SLIT1: variants seen among roughly 807,000 people sequenced by gnomAD.
SLIT1 encodes slit homolog 1 protein.
SLIT1 carries 66 observed loss-of-function variants against 186.1 expected under a neutral mutation model. The observed-to-expected ratio is 0.35, with a 90% confidence interval of 0.29 to 0.44. The LOEUF (loss-of-function observed/expected upper bound fraction) is 0.44. Among genes scored for constraint, SLIT1 ranks in the 20% least tolerant of loss-of-function variants. SLIT1 has a pLI of 1.00. For missense variants in SLIT1, 1,638 were observed against 2,037.4 expected (o/e 0.80, Z 3.77); for synonymous variants, 761 against 833.8 (o/e 0.91, Z 1.50).
intron 4 of SLIT1, among the ~76,000 whole-genome samples, chr10:97,077,179 ATTGT>A (rs1473927996): frequency 6.6e-6 from 1 of 151,970 alleles, no homozygotes; most frequent in Non-Finnish European, 1.5e-5. Flanking sequence ...AGGCAGGAGG[ATTGT>A]TTGAGCCTAA....
chr10:97,103,681 G>C (rs937927526), intron 4 of SLIT1: 1 of 152,206 alleles, frequency 6.6e-6, no homozygotes, highest in Non-Finnish European at 1.5e-5. Context: ...CTCTGGGAAT[G>C]AAGTACCTTC....
At position 97,000,357 on chromosome 10, in the gene SLIT1, A is replaced by AGG. The variant is rs1848292729; in HGVS notation, c.*754_*755insCC. 1.3e-5 allele frequency: 2 copies of AGG among 152,344 alleles called. No individual in the cohort carries two copies. The highest frequency in any genetic ancestry group is 2.9e-5 in the Non-Finnish European group (2 of 68,134). 9.4% of individuals were successfully genotyped at this position (152,344 alleles called of 1,614,324 possible). A position where few individuals can be genotyped will look rare whatever the true frequency, so the allele number is the denominator to read the frequency against. On this transcript the variant is annotated 3_prime_UTR_variant, in exon 37 of 37. Coordinates refer to ENST00000266058, the MANE Select transcript of SLIT1 (RefSeq NM_003061.3). ...GAGCAAAGAACCCTCTGCCCTCTTT[A>AGG]GTGGGGTCTGCCACCCTGAGCAGCC...
chr10:97,069,454 C>T (rs1848982370), intron 4 of SLIT1, among the ~76,000 whole-genome samples: 1 of 152,260 alleles, frequency 6.6e-6, no homozygotes, highest in South Asian at 2.1e-4. Flanking sequence ...AGCTGATGGT[C>T]TGCTGGGGAC....
At chr10:97,023,102 A>G (rs1408318605) in intron 25 of SLIT1, among the ~76,000 whole-genome samples, 1 of 151,646 alleles carries the variant, frequency 6.6e-6, no homozygotes, top group Non-Finnish European at 1.5e-5. Flanking sequence ...CCCAGGCTGC[A>G]GTGCAGTGGT....
intron 4 of SLIT1, chr10:97,152,998 C>T (rs1183003758): frequency 6.6e-6 from 1 of 152,176 alleles, no homozygotes; most frequent in Non-Finnish European, 1.5e-5. Context: ...ATATTCTTTT[C>T]ATTATTCTAT....
At chr10:97,020,240 T>C (rs1412328235) in intron 26 of SLIT1, among the ~76,000 whole-genome samples, 1 of 152,108 alleles carries the variant, frequency 6.6e-6, no homozygotes, top group South Asian at 2.1e-4. Flanking sequence ...CCTAGAGTGC[T>C]AGGATTACAG....
Position 97,111,998 on chromosome 10 carries a change from G to A in SLIT1, c.413+45820C>T, listed in dbSNP as rs575241655. On this transcript the variant is annotated intron_variant, in intron 4 of 36. Coordinates refer to ENST00000266058, the MANE Select transcript of SLIT1 (RefSeq NM_003061.3). Reference sequence around the variant, plus strand: ...GCAGAATGGCATGTCCTGGCTGAACGTGCCGAGCTTGCCCCTTCCCACTCA... The same window carrying A: ...GCAGAATGGCATGTCCTGGCTGAACATGCCGAGCTTGCCCCTTCCCACTCA... Among the ~76,000 whole-genome samples, 23 of 152,274 alleles carry A rather than the reference G, an allele frequency of 1.5e-4. No homozygotes were observed. In the South Asian group the frequency reaches 4.8e-3, roughly 32 times the overall value.
Position 97,004,719 on chromosome 10 carries a change from G to T in SLIT1, c.3684C>A (p.Gly1228=). 3 of 1,614,166 alleles carry T rather than the reference G, an allele frequency of 1.9e-6. No homozygotes were observed. The highest frequency in any genetic ancestry group is 2.5e-6 in the Non-Finnish European group (3 of 1,180,002). The change falls in exon 33 of 37, where the codon GGC becomes GGA. Residue 1228 remains glycine (G), a synonymous_variant. Transcript: ENST00000266058. The surrounding 1 kb of genome is among the most constrained non-coding windows in gnomAD (Gnocchi z 5.1). ...QGHVRVSYDP[G]SYPSSAIYSA... is the part of the protein sequence containing the mutation. ...TGTAGATGGCAGAGCTGGGGTAGCT[G>T]CCTGGGTCGTAGCTGACACGCACAT...
At chr10:97,003,804 G>T (rs956245466) in intron 34 of SLIT1, among the ~76,000 whole-genome samples, 1 of 152,168 alleles carries the variant, frequency 6.6e-6, no homozygotes, top group African/African-American at 2.4e-5. Context: ...TGTGCCCAAG[G>T]TGTTGCAGAT....
intron 4 of SLIT1, among the ~76,000 whole-genome samples, chr10:97,150,458 G>A (rs76873938): frequency 0.06 from 9,135 of 152,108 alleles, 567 homozygotes; most frequent in African/African-American, 0.16. Context: ...GCATTCTTCA[G>A]CAGGGCTCCT....
rs1848267322 is a variant in SLIT1 at position 96,998,392 on chromosome 10, A to ACAC, written c.*2717_*2719dup. On this transcript the variant is annotated 3_prime_UTR_variant, in exon 37 of 37. Transcript: ENST00000266058. ...AAAGTCCAGCCTTTTCCACTTCCTG[A>ACAC]CACCTTCACCGGGAGCCCCGGCCCT... The ACAC allele has an allele frequency of 6.6e-6, 1 of 152,238 alleles. No individual in the cohort carries two copies. Among genetic ancestry groups the ACAC allele is most frequent in the Non-Finnish European group, 1.5e-5 (1 of 68,064 alleles). The allele number at this position is 152,238 out of a possible 1,614,324, so 9.4% of individuals were successfully genotyped here. A position where few individuals can be genotyped will look rare whatever the true frequency, so the allele number is the denominator to read the frequency against.
chr10:97,067,392 A>G (rs1005855384), intron 4 of SLIT1, among the ~76,000 whole-genome samples: 3 of 152,056 alleles, frequency 2.0e-5, no homozygotes, highest in African/African-American at 7.2e-5. Context: ...GCCCCTTTCC[A>G]GGTCAGCTCT....
chr10:97,009,437 G>A (rs1241969009), intron 31 of SLIT1, among the ~76,000 whole-genome samples: 1 of 152,170 alleles, frequency 6.6e-6, no homozygotes, highest in East Asian at 1.9e-4. Flanking sequence ...ATATCTGCAT[G>A]CAAAAGAATG....
chr10:97,053,870 A>C (rs1057179515), intron 13 of SLIT1, among the ~76,000 whole-genome samples: 1 of 152,168 alleles, frequency 6.6e-6, no homozygotes, highest in Non-Finnish European at 1.5e-5. Flanking sequence ...TATGGTTTGG[A>C]TGTTCGTCCC....
In SLIT1 at chr10:97,184,245, A is replaced by T. The variant is rs568080883; in HGVS notation, c.197+1233T>A. Among the ~76,000 whole-genome samples the T allele has an allele frequency of 6.6e-6, 1 of 152,226 alleles. No individual in the cohort carries two copies. Among genetic ancestry groups the T allele is most frequent in the Non-Finnish European group, 1.5e-5 (1 of 68,012 alleles). On this transcript the variant is annotated intron_variant, in intron 1 of 36. Coordinates refer to ENST00000266058, the MANE Select transcript of SLIT1 (RefSeq NM_003061.3). This position sits in a 1 kb window ranked among gnomAD's most constrained non-coding sequence, Gnocchi z 4.4. ...GTCTCTGACCAGCTGGGGGCCATGA[A>T]AATGTGCTCGAAAGTTATCAAAATA... is the stretch of plus-strand genomic sequence containing the variant.
chr10:97,021,602 G>A lies in SLIT1; in HGVS notation c.2583-189C>T, dbSNP rs546781969. On this transcript the variant is annotated intron_variant, in intron 25 of 36. Transcript: ENST00000266058. The surrounding 1 kb of genome is among the most constrained non-coding windows in gnomAD (Gnocchi z 4.5). Reference sequence around the variant, plus strand: ...TTTTGAGATGGAGTGTCGCTCTGTCGCCCAGGCTGGAGTGCAGTGGCGTAA... The same window carrying A: ...TTTTGAGATGGAGTGTCGCTCTGTCACCCAGGCTGGAGTGCAGTGGCGTAA... 3.3e-5 allele frequency among the ~76,000 whole-genome samples: 5 copies of A among 149,316 alleles called. No individual in the cohort carries two copies. Among genetic ancestry groups the A allele is most frequent in the South Asian group, 2.1e-4 (1 of 4,718 alleles).
chr10:97,066,552 G>A (rs915456145), intron 4 of SLIT1, among the ~76,000 whole-genome samples: 1 of 152,120 alleles, frequency 6.6e-6, no homozygotes, highest in African/African-American at 2.4e-5. Flanking sequence ...TGGCATGTGA[G>A]TTCCGGGAGC....
chr10:97,095,838 G>A (rs1011376527), intron 4 of SLIT1, among the ~76,000 whole-genome samples: 10 of 152,132 alleles, frequency 6.6e-5, no homozygotes, highest in Admixed American at 6.5e-4. Context: ...AGACACAGAC[G>A]CTATCATCTC....
At chr10:97,118,867 C>T (rs1312179949) in intron 4 of SLIT1, among the ~76,000 whole-genome samples, 1 of 152,222 alleles carries the variant, frequency 6.6e-6, no homozygotes, top group Non-Finnish European at 1.5e-5. Flanking sequence ...GCCATGACGA[C>T]TGGGATATAG....
Sources: allele counts gnomAD v4.1 joint callset (sites outside exome capture counted in the v4.1 genomes callset), GRCh38; gene constraint gnomAD v4.1.1; non-coding constraint Gnocchi (gnomAD v3.1); transcripts MANE v1.5; gene names NCBI Gene and HGNC (gene_info 2026-07-23, HGNC 2026-07-21).